Variants in CFAP46 observed in about 807,000 individuals in gnomAD.
CFAP46 encodes the protein cilia and flagella associated protein 46, also known as cilia- and flagella-associated protein 46.
CFAP46 carries 245 observed loss-of-function variants against 325.7 expected under a neutral mutation model. The observed-to-expected ratio is 0.75, with a 90% CI of 0.68 to 0.84. The LOEUF is 0.84. Ranked by LOEUF, CFAP46 falls within the 40% of genes least tolerant of loss-of-function variation. The pLI is 0.00. For missense variants in CFAP46, 3,346 were observed against 3,543.0 expected, an observed-to-expected ratio of 0.94 and a Z score of 1.41; for synonymous variants, 1,523 against 1,495.9, an observed-to-expected ratio of 1.02 and a Z score of -0.42.
chr10:132,810,493 G>C lies in CFAP46; in HGVS notation c.7584-4C>G. The stretch of plus-strand genomic sequence containing the variant: ...GGCTTCCCAACGGCCAACAGATCTA[G>C]GGGAGAAACGTCCCCTCAGGAGGGC... On this transcript the variant is annotated splice_polypyrimidine_tract_variant and splice_region_variant and intron_variant, in intron 56 of 57. Transcript: ENST00000368586. The C allele has an allele frequency of 6.2e-7, 1 of 1,613,210 alleles. No individual in the cohort carries two copies. Among genetic ancestry groups the C allele is most frequent in the Non-Finnish European group, 8.5e-7 (1 of 1,179,676 alleles).
chr10:132,868,649 T>G (rs1399147495), intron 33 of CFAP46, among the ~76,000 whole-genome samples: 43 of 152,236 alleles, frequency 2.8e-4, no homozygotes. Flanking sequence ...AACAGGGTTA[T>G]GCTGAATGAT....
chr10:132,867,276 C>G, intron 34 of CFAP46, 99 bp downstream of exon 34: 1 of 1,439,352 alleles, frequency 6.9e-7, no homozygotes, highest in Admixed American at 2.6e-5. Flanking sequence ...CTGACACACA[C>G]ACAGGCCGGC....
At chr10:132,856,633 C>G (rs1386113421) in intron 39 of CFAP46, among the ~76,000 whole-genome samples, 1 of 152,206 alleles carries the variant, frequency 6.6e-6, no homozygotes, top group Admixed American at 6.5e-5. Context: ...TTGTGGTTTT[C>G]ACCCTGAAAG....
At chr10:132,868,853 AGAG>A (rs1377011557) in intron 33 of CFAP46, among the ~76,000 whole-genome samples, 1 of 152,354 alleles carries the variant, frequency 6.6e-6, no homozygotes, top group East Asian at 1.9e-4. Context: ...TACACTAACG[AGAG>A]TTAGTTGTTA....
chr10:132,852,955 T>C (rs1436347339), intron 39 of CFAP46, among the ~76,000 whole-genome samples: 4 of 152,260 alleles, frequency 2.6e-5, no homozygotes, highest in Non-Finnish European at 2.9e-5. Context: ...TTTTGGTGGA[T>C]TGCATAGGAC....
chr10:132,822,773 T>A (rs1403924318), intron 50 of CFAP46, among the ~76,000 whole-genome samples: 2 of 140,822 alleles, frequency 1.4e-5, no homozygotes, highest in African/African-American at 5.5e-5. Context: ...ATGTGTGCTG[T>A]GTGTGCACTT....
chr10:132,822,601 ATG>A (rs1847889063), intron 50 of CFAP46, among the ~76,000 whole-genome samples: 1 of 99,210 alleles, frequency 1.0e-5, no homozygotes, highest in Non-Finnish European at 1.9e-5. Context: ...GTGAGTGCTG[ATG>A]TGTGCTGTGT....
At chr10:132,887,943 CCT>C (rs1170486234) in intron 25 of CFAP46, among the ~76,000 whole-genome samples, 1 of 80,604 alleles carries the variant, frequency 1.2e-5, no homozygotes, top group Non-Finnish European at 2.2e-5. Flanking sequence ...TCCTCTTTCA[CCT>C]CTCTCTCTCC....
chr10:132,898,719 G>T, intron 24 of CFAP46: 1 of 613,054 alleles, frequency 1.6e-6, no homozygotes, highest in Admixed American at 2.4e-5. Flanking sequence ...AGGGCTGAGA[G>T]CCCCTCGGTG....
At chr10:132,913,352 GC>G in intron 17 of CFAP46, 94 bp from the exon 18 acceptor site, 2 of 669,930 alleles carry the variant, frequency 3.0e-6, no homozygotes, top group Non-Finnish European at 2.5e-6. Context: ...GAACCAGGCT[GC>G]AGGGCAAGAA....
intron 50 of CFAP46, among the ~76,000 whole-genome samples, chr10:132,821,633 C>CTGTGTGCTGTGTGAGTGCTGA (rs1847834040): frequency 1.0e-5 from 1 of 99,584 alleles, no homozygotes; most frequent in African/African-American, 4.3e-5. Flanking sequence ...TGTGTGTGTG[C>CTGTGTGCTGTGTGAGTGCTGA]TGTGTGCTGT....
intron 16 of CFAP46, among the ~76,000 whole-genome samples, chr10:132,917,135 C>A (rs1849652835): frequency 6.6e-6 from 1 of 152,266 alleles, no homozygotes; most frequent in African/African-American, 2.4e-5. Flanking sequence ...GCCTCCGGCT[C>A]CCTGAGCAGA....
chr10:132,812,179 G>C (rs1219221839), intron 55 of CFAP46, among the ~76,000 whole-genome samples: 1 of 152,230 alleles, frequency 6.6e-6, no homozygotes, highest in Non-Finnish European at 1.5e-5. Context: ...CACTACCCTT[G>C]GGCCGTGGCG....
intron 17 of CFAP46, among the ~76,000 whole-genome samples, chr10:132,915,550 CG>C (rs1277129361): frequency 6.6e-6 from 1 of 151,632 alleles, no homozygotes; most frequent in Non-Finnish European, 1.5e-5. Flanking sequence ...CCGGCGAGGG[CG>C]GGGCGCCGTG....
chr10:132,917,693 C>G (rs1368542818), intron 16 of CFAP46, among the ~76,000 whole-genome samples: 1 of 152,194 alleles, frequency 6.6e-6, no homozygotes, highest in African/African-American at 2.4e-5. Context: ...GAAAATCTCC[C>G]AAGAATCCAG....
chr10:132,850,742 A>G (rs1848525087), intron 40 of CFAP46, among the ~76,000 whole-genome samples: 2 of 152,220 alleles, frequency 1.3e-5, no homozygotes. Flanking sequence ...GGAAGAATGT[A>G]TATTTCCCTC....
chr10:132,858,224 G>A (rs890340021), intron 38 of CFAP46, among the ~76,000 whole-genome samples: 8 of 152,218 alleles, frequency 5.3e-5, no homozygotes, highest in Admixed American at 3.3e-4. Flanking sequence ...GGACAAGTCC[G>A]GGGGCCATAG....
chr10:132,930,834 C>T lies in CFAP46; in HGVS notation c.867-1030G>A, dbSNP rs573540969. Reference sequence around the variant, plus strand: ...CTCCCCACGCAGAGCCTGGGCCTTCCCCACACTCCTCACACAGAGCCTGGG... The same window carrying T: ...CTCCCCACGCAGAGCCTGGGCCTTCTCCACACTCCTCACACAGAGCCTGGG... On this transcript the variant is annotated intron_variant, in intron 8 of 57. Coordinates refer to ENST00000368586, the MANE Select transcript of CFAP46 (RefSeq NM_001200049.3). Among the ~76,000 whole-genome samples the T allele has an allele frequency of 1.0e-4, 9 of 88,380 alleles. 1 individual carries two copies. Among genetic ancestry groups the T allele is most frequent in the Non-Finnish European group, 1.8e-4 (8 of 44,610 alleles). The allele number at this position is 88,380 out of a possible 152,430, so 58.0% of individuals were successfully genotyped here.
At chr10:132,846,740 G>C (rs1848443810) in intron 43 of CFAP46, among the ~76,000 whole-genome samples, 192 bp downstream of exon 43, 2 of 152,248 alleles carry the variant, frequency 1.3e-5, no homozygotes, top group Non-Finnish European at 2.9e-5. Context: ...GGGGATCGGG[G>C]ATAAGCACAC....
Sources: gnomAD v4.1 joint callset for allele counts (sites outside exome capture counted in the v4.1 genomes callset) on GRCh38, gnomAD v4.1.1 for gene constraint, MANE v1.5 for transcripts, NCBI Gene and HGNC (gene_info 2026-07-23, HGNC 2026-07-21) for gene names.